Variants in OPCML observed in about 807,000 individuals in gnomAD.
OPCML encodes opioid binding protein/cell adhesion molecule like, also known as opioid-binding protein/cell adhesion molecule.
Under a neutral mutation model 37.8 loss-of-function variants are expected in OPCML, and 13 were observed. The ratio of observed to expected loss-of-function variants is 0.34; its 90% confidence interval spans 0.22 to 0.55. The LOEUF is 0.55. Ranked by LOEUF, OPCML falls within the 20% of genes least tolerant of loss-of-function variation. OPCML has a pLI of 0.91. For missense variants in OPCML, 341 were observed against 435.6 expected (o/e 0.78, Z 1.93); for synonymous variants, 176 against 168.8 (o/e 1.04, Z -0.33).
intron 1 of OPCML, among the ~76,000 whole-genome samples, chr11:133,383,526 G>A (rs1944976353): frequency 6.6e-6 from 1 of 152,120 alleles, no homozygotes; most frequent in East Asian, 1.9e-4. Flanking sequence ...TTTTGGGACT[G>A]CCACATACTT....
At chr11:133,314,980 G>A (rs1267657958) in intron 1 of OPCML, among the ~76,000 whole-genome samples, 1 of 124,674 alleles carries the variant, frequency 8.0e-6, no homozygotes, top group African/African-American at 3.8e-5. Context: ...ACCTCAGTGT[G>A]TGTGCGTGTG....
At chr11:132,420,426 G>A in intron 7 of OPCML, 133 bp from the exon 8 acceptor site, 2 of 1,418,560 alleles carry the variant, frequency 1.4e-6, no homozygotes, top group South Asian at 1.6e-5. Context: ...CTAAACAAAG[G>A]AAAAAGCCCA....
chr11:133,477,428 G>T (rs189193395), intron 1 of OPCML, among the ~76,000 whole-genome samples: 1 of 152,152 alleles, frequency 6.6e-6, no homozygotes, highest in South Asian at 2.1e-4. Flanking sequence ...AGACACCTGC[G>T]ATCCTCAGTG....
chr11:132,918,198 C>T (rs1378744001), intron 2 of OPCML, among the ~76,000 whole-genome samples: 1 of 152,024 alleles, frequency 6.6e-6, no homozygotes, highest in Non-Finnish European at 1.5e-5. Flanking sequence ...TTTTTGTATC[C>T]CTTTTTTCTA....
At chr11:133,459,620 C>T (rs1254466746) in intron 1 of OPCML, among the ~76,000 whole-genome samples, 1 of 151,984 alleles carries the variant, frequency 6.6e-6, no homozygotes, top group Non-Finnish European at 1.5e-5. Context: ...AAGTCAAAAA[C>T]TGTTACAAGA....
intron 7 of OPCML, among the ~76,000 whole-genome samples, chr11:132,431,577 G>C (rs1374408156): frequency 6.6e-6 from 1 of 152,206 alleles, no homozygotes; most frequent in Admixed American, 6.5e-5. Flanking sequence ...AGTGCCAACA[G>C]CTGTTTCATC....
intron 4 of OPCML, among the ~76,000 whole-genome samples, chr11:132,481,552 C>G (rs1267890681): frequency 2.0e-5 from 3 of 150,896 alleles, no homozygotes; most frequent in Non-Finnish European, 4.4e-5. Context: ...TTGAACTCAG[C>G]TCTGCACCAA....
intron 1 of OPCML, among the ~76,000 whole-genome samples, chr11:133,296,585 C>T (rs935789421): frequency 1.3e-5 from 2 of 152,202 alleles, no homozygotes; most frequent in Non-Finnish European, 2.9e-5. Context: ...CCCATTGTCC[C>T]TCTGTGCTTT....
chr11:132,746,096 GTTT>G lies in OPCML; in HGVS notation c.147-88780_147-88778del, dbSNP rs11403478. ...TCCCCAAGCTCTTCACAAAGTTGTT[GTTT>G]TTTTTTTTTTTAACTAACAGAAAAT... On this transcript the variant is annotated intron_variant, in intron 2 of 7. Coordinates refer to ENST00000524381, the MANE Select transcript of OPCML (RefSeq NM_001012393.5). 1.2e-4 allele frequency among the ~76,000 whole-genome samples: 17 copies of G among 141,834 alleles called. No individual in the cohort carries two copies. The South Asian group carries it at 3.6e-3, about 30-fold the overall frequency. 93.0% of individuals were successfully genotyped at this position (141,834 alleles called of 152,430 possible).
Position 133,375,543 on chromosome 11 carries a change from T to C in OPCML, c.61+156721A>G, listed in dbSNP as rs1355198535. Among the ~76,000 whole-genome samples, 4 of 152,280 alleles carry C rather than the reference T, an allele frequency of 2.6e-5. No homozygotes were observed. The East Asian group carries it at 7.7e-4, about 29-fold the overall frequency. Reference sequence around the variant, plus strand: ...CTAAGAAAATGTTAGATCCAAAAGATAGTGTCCAGGGTCTGGGATCATGCC... The same window carrying C: ...CTAAGAAAATGTTAGATCCAAAAGACAGTGTCCAGGGTCTGGGATCATGCC... On this transcript the variant is annotated intron_variant, in intron 1 of 7. Coordinates refer to ENST00000524381, the MANE Select transcript of OPCML (RefSeq NM_001012393.5).
At chr11:132,872,293 C>T (rs575320889) in intron 2 of OPCML, among the ~76,000 whole-genome samples, 2 of 152,244 alleles carry the variant, frequency 1.3e-5, no homozygotes, top group South Asian at 2.1e-4. Flanking sequence ...AATATTCTTT[C>T]TTTTCCATTA....
intron 1 of OPCML, among the ~76,000 whole-genome samples, chr11:133,526,296 G>A (rs967661190): frequency 2.6e-5 from 4 of 152,218 alleles, no homozygotes; most frequent in African/African-American, 9.6e-5. Context: ...CAAGGCTGGG[G>A]GCTAGAGTTG....
rs542547826 is a variant in OPCML, at chr11:132,422,546, G to C, written c.917-2253C>G. On this transcript the variant is annotated intron_variant, in intron 7 of 7. Transcript: ENST00000524381. Reference sequence around the variant, plus strand: ...GTATGTAGGCTGCTCAGCCTGCTTAGGGCAATGATGACAACACACGTTCAC... The same window carrying C: ...GTATGTAGGCTGCTCAGCCTGCTTACGGCAATGATGACAACACACGTTCAC... Among the ~76,000 whole-genome samples, 110 of 152,298 alleles carry C rather than the reference G, an allele frequency of 7.2e-4. 1 individual carries two copies. Among genetic ancestry groups the C allele is most frequent in the African/African-American group, 2.5e-3 (104 of 41,564 alleles).
chr11:132,733,365 A>G (rs1026829787), intron 2 of OPCML, among the ~76,000 whole-genome samples: 7 of 152,128 alleles, frequency 4.6e-5, no homozygotes, highest in Non-Finnish European at 5.9e-5. Flanking sequence ...TAAAAGAACA[A>G]GCAGAAGATT....
chr11:133,516,461 G>A (rs1948274954), intron 1 of OPCML, among the ~76,000 whole-genome samples: 1 of 152,208 alleles, frequency 6.6e-6, no homozygotes, highest in Non-Finnish European at 1.5e-5. Context: ...CTGGACTCCA[G>A]TCACTTCAGG....
intron 2 of OPCML, among the ~76,000 whole-genome samples, chr11:132,863,525 A>G (rs369975657): frequency 2.0e-5 from 3 of 149,160 alleles, no homozygotes; most frequent in Middle Eastern, 3.4e-3. Context: ...CCTGTCTCTC[A>G]GTCTTAACCT....
At position 133,018,931 on chromosome 11, in the gene OPCML, A is replaced by T. The variant is rs977579801; in HGVS notation, c.62-75921T>A. ...TGAGCCACAGGGATGATACTGAGAC[A>T]CTGACTCTGCTCCTGCTTTTTCAGT... On this transcript the variant is annotated intron_variant, in intron 1 of 7. Coordinates refer to ENST00000524381, the MANE Select transcript of OPCML (RefSeq NM_001012393.5). Among the ~76,000 whole-genome samples, 3 of 152,346 alleles carry T rather than the reference A, an allele frequency of 2.0e-5. No individual in the cohort carries two copies. In the East Asian group the frequency reaches 5.8e-4, roughly 29 times the overall value.
intron 7 of OPCML, 83 bp from the exon 8 acceptor site, chr11:132,420,376 A>T (rs542825453): frequency 6.4e-7 from 1 of 1,550,838 alleles, no homozygotes; most frequent in Non-Finnish European, 8.7e-7. Context: ...ATACACATAC[A>T]TGCTTCCCAC....
intron 1 of OPCML, among the ~76,000 whole-genome samples, chr11:133,417,663 T>G (rs1443346686): frequency 6.9e-6 from 1 of 145,390 alleles, no homozygotes; most frequent in Non-Finnish European, 1.5e-5. Context: ...GTCCCCAGTA[T>G]GTGATGTTCC....
Sources: gnomAD v4.1 joint callset for allele counts (sites outside exome capture counted in the v4.1 genomes callset) on GRCh38, gnomAD v4.1.1 for gene constraint, MANE v1.5 for transcripts, NCBI Gene and HGNC (gene_info 2026-07-23, HGNC 2026-07-21) for gene names.